Variants in CRPPA observed in about 807,000 individuals in gnomAD.
The protein encoded by CRPPA is CDP-L-ribitol pyrophosphorylase A, also known as D-ribitol-5-phosphate cytidylyltransferase.
Under a neutral mutation model 52.0 loss-of-function variants are expected in CRPPA, and 43 were observed. The observed-to-expected ratio is 0.83, with a 90% CI of 0.65 to 1.07. CRPPA has a LOEUF of 1.07. Ranked by LOEUF, CRPPA falls within the 50% of genes least tolerant of loss-of-function variation. The pLI, the probability that CRPPA is intolerant of heterozygous loss-of-function variation, is 0.00. For missense variants in CRPPA, 629 were observed against 551.7 expected (o/e 1.14, Z -1.40); for synonymous variants, 250 against 203.5 (o/e 1.23, Z -1.94).
At chr7:16,174,553 CT>C (rs1781256278) in intron 9 of CRPPA, among the ~76,000 whole-genome samples, 1 of 152,094 alleles carries the variant, frequency 6.6e-6, no homozygotes. Context: ...TTAATAGTCG[CT>C]GGTCTTTTAA....
chr7:16,211,506 C>T (rs1410415216), intron 9 of CRPPA, among the ~76,000 whole-genome samples: 1 of 152,102 alleles, frequency 6.6e-6, no homozygotes, highest in Non-Finnish European at 1.5e-5. Context: ...TAAATAATTC[C>T]CATTTAAATT....
At chr7:16,397,644 A>C (rs547384978) in intron 2 of CRPPA, among the ~76,000 whole-genome samples, 39 of 152,240 alleles carry the variant, frequency 2.6e-4, no homozygotes, top group African/African-American at 8.4e-4. Flanking sequence ...GACACGTGAC[A>C]CATGACTGAC....
At chr7:16,203,497 T>A (rs1385098247) in intron 9 of CRPPA, among the ~76,000 whole-genome samples, 1 of 152,190 alleles carries the variant, frequency 6.6e-6, no homozygotes, top group Non-Finnish European at 1.5e-5. Context: ...GCATTCTCTT[T>A]CCACTGAGTT....
chr7:16,359,878 G>A lies in CRPPA; in HGVS notation c.684+16214C>T, dbSNP rs559533678. Among the ~76,000 whole-genome samples the A allele has an allele frequency of 2.6e-5, 4 of 152,214 alleles. No homozygotes were observed. In the East Asian group the frequency reaches 7.7e-4, roughly 29 times the overall value. Reference sequence around the variant, plus strand: ...ATTTCCAGTAACCTCTCAGACTAAAGCCTTTTTACCCCAGAATCCTACTTT... The same window carrying A: ...ATTTCCAGTAACCTCTCAGACTAAAACCTTTTTACCCCAGAATCCTACTTT... On this transcript the variant is annotated intron_variant, in intron 3 of 9. Transcript: ENST00000407010.
At position 16,278,129 on chromosome 7, in the gene CRPPA, A is replaced by G. The variant is rs1468569021; in HGVS notation, c.933T>C (p.Asn311=). 2 of 1,484,546 alleles carry G rather than the reference A, an allele frequency of 1.3e-6. No homozygotes were observed. Among genetic ancestry groups the G allele is most frequent in the African/African-American group, 1.4e-5 (1 of 72,338 alleles). The allele number at this position is 1,484,546 out of a possible 1,614,324, so 92.0% of individuals were successfully genotyped here. ...TCAAACTCAGTCTTTGAATACTTAC[A>G]TTTAATTCACTTTTCAGCACTTCTT... ...LLEEVLKSEL[N]HVKVTSEALG... Residue 311 remains asparagine, a splice_region_variant and synonymous_variant, in exon 6 of 10, where the codon AAT becomes AAC. Coordinates refer to ENST00000407010, the MANE Select transcript of CRPPA (RefSeq NM_001101426.4).
At chr7:16,218,031 C>T (rs1782379958) in intron 8 of CRPPA, among the ~76,000 whole-genome samples, 3 of 151,758 alleles carry the variant, frequency 2.0e-5, no homozygotes, top group Admixed American at 1.3e-4. Context: ...ATGTTAAGGG[C>T]AGCCAGAGAG....
chr7:16,314,025 T>C (rs746475519), intron 3 of CRPPA, among the ~76,000 whole-genome samples: 1 of 152,048 alleles, frequency 6.6e-6, no homozygotes, highest in Non-Finnish European at 1.5e-5. Flanking sequence ...AGTTGATTTA[T>C]AGTGTTACTG....
rs187982727 is a variant in CRPPA at position 16,148,528 on chromosome 7, T to C, written c.1252-56729A>G. On this transcript the variant is annotated intron_variant, in intron 9 of 9. Transcript: ENST00000407010. ...AGGACATTATGTTAAGTGAAATAAG[T>C]CAGGCACAAAAAAAGGAAAAACTAT... Among the ~76,000 whole-genome samples the C allele has an allele frequency of 2.6e-3, 388 of 152,090 alleles. 1 individual carries two copies. The highest frequency in any genetic ancestry group is 8.2e-3 in the African/African-American group (339 of 41,492).
At chr7:16,222,418 C>A (rs1782539159) in intron 8 of CRPPA, among the ~76,000 whole-genome samples, 1 of 145,312 alleles carries the variant, frequency 6.9e-6, no homozygotes. Context: ...ACAATGTGCA[C>A]ATGTACCCTA....
chr7:16,150,846 G>A (rs1400896084), intron 9 of CRPPA, among the ~76,000 whole-genome samples: 2 of 152,154 alleles, frequency 1.3e-5, no homozygotes, highest in African/African-American at 2.4e-5. Context: ...GAGGGCAAGT[G>A]ACAGAGTGGG....
At chr7:16,213,117 C>T (rs1782196266) in intron 9 of CRPPA, among the ~76,000 whole-genome samples, 3 of 152,180 alleles carry the variant, frequency 2.0e-5, no homozygotes, top group South Asian at 4.1e-4. Context: ...ATTAAGACTA[C>T]ACACTCTAAG....
At chr7:16,394,464 C>A (rs1787521259) in intron 2 of CRPPA, among the ~76,000 whole-genome samples, 1 of 152,014 alleles carries the variant, frequency 6.6e-6, no homozygotes, top group South Asian at 2.1e-4. Context: ...ACAAGAAAAA[C>A]AAAGTTTGGG....
At chr7:16,357,913 G>C (rs1284313871) in intron 3 of CRPPA, among the ~76,000 whole-genome samples, 1 of 152,168 alleles carries the variant, frequency 6.6e-6, no homozygotes, top group Non-Finnish European at 1.5e-5. Flanking sequence ...GCAGGCCAAG[G>C]CTGTGTCAGA....
chr7:16,131,440 T>C (rs1358280), intron 9 of CRPPA, among the ~76,000 whole-genome samples: 19,663 of 152,198 alleles, frequency 0.13, 2,032 homozygotes, highest in African/African-American at 0.28. Context: ...GGAAAGGTGA[T>C]TCTTGTTATA....
intron 3 of CRPPA, among the ~76,000 whole-genome samples, chr7:16,349,950 A>T: frequency 6.6e-6 from 1 of 152,186 alleles, no homozygotes; most frequent in East Asian, 1.9e-4. Flanking sequence ...CATATCAAGA[A>T]ATATCAGAAT....
At chr7:16,342,971 T>TAGA (rs1429661015) in intron 3 of CRPPA, among the ~76,000 whole-genome samples, 4 of 145,584 alleles carry the variant, frequency 2.7e-5, no homozygotes, top group Non-Finnish European at 4.5e-5. Flanking sequence ...GCCTGGGAGG[T>TAGA]AGAAGTTGCA....
At chr7:16,302,809 G>GTTCT (rs1784818550) in intron 4 of CRPPA, among the ~76,000 whole-genome samples, 1 of 151,704 alleles carries the variant, frequency 6.6e-6, no homozygotes, top group Non-Finnish European at 1.5e-5. Context: ...GAGGATTGAA[G>GTTCT]TTCTTTCTCA....
chr7:16,194,801 T>C (rs576072881), intron 9 of CRPPA, among the ~76,000 whole-genome samples: 5 of 151,790 alleles, frequency 3.3e-5, no homozygotes, highest in African/African-American at 1.2e-4. Flanking sequence ...GTGTGAACTT[T>C]GGAAATTATG....
chr7:16,346,927 G>A (rs1194531401), intron 3 of CRPPA, among the ~76,000 whole-genome samples: 1 of 152,000 alleles, frequency 6.6e-6, no homozygotes, highest in African/African-American at 2.4e-5. Context: ...AGCCAGATCT[G>A]CAGCTATAAG....
Sources: gnomAD v4.1 joint callset for allele counts (sites outside exome capture counted in the v4.1 genomes callset) on GRCh38, gnomAD v4.1.1 for gene constraint, MANE v1.5 for transcripts, NCBI Gene and HGNC (gene_info 2026-07-23, HGNC 2026-07-21) for gene names.